The following DKK3 variants were observed in gnomAD, a reference collection of about 807,000 sequenced individuals.
DKK3 encodes the protein dickkopf-related protein 3.
Under a neutral mutation model 33.2 loss-of-function variants are expected in DKK3, and 22 were observed. The ratio of observed to expected loss-of-function variants is 0.66; its 90% CI spans 0.47 to 0.95. The LOEUF (loss-of-function observed/expected upper bound fraction) is 0.95, where lower values mean the gene tolerates loss of function less well. Ranked by LOEUF, DKK3 falls within the 40% of genes least tolerant of loss-of-function variation. The probability of loss-of-function intolerance (pLI) is 0.00; values close to 1 mark genes in which losing one functional copy is unlikely to be tolerated. For missense variants in DKK3, 398 were observed against 458.4 expected, an observed-to-expected ratio of 0.87 and a Z score of 1.20; for synonymous variants, 194 against 188.8, an observed-to-expected ratio of 1.03 and a Z score of -0.23.
In DKK3 at chr11:11,964,601, C is replaced by G. The variant is rs1564904150; in HGVS notation, c.916G>C (p.Asp306His). The G allele has an allele frequency of 6.2e-7, 1 of 1,614,178 alleles. No homozygotes were observed. Among genetic ancestry groups the G allele is most frequent in the Non-Finnish European group, 8.5e-7 (1 of 1,180,040 alleles). Residue 306 changes from aspartate to histidine, a missense_variant, in exon 7 of 7, where the codon GAT (aspartate) becomes CAT (histidine). Transcript: ENST00000683431. The stretch of plus-strand genomic sequence containing the variant: ...ATGAAGCTGCCAACTTCATACTCAT[C>G]GGGGACCTCTCTGGGCAGCAGGATC... ...GEILLPREVP[D>H]EYEVGSFMEE...
intron 5 of DKK3, 116 bp from the exon 6 acceptor site, chr11:11,966,081 A>G: frequency 7.8e-7 from 1 of 1,286,796 alleles, no homozygotes. Context: ...CCCAAAGTGC[A>G]GGCTAGTTTT....
At chr11:11,982,184 G>A (rs2135041836) in intron 3 of DKK3, among the ~76,000 whole-genome samples, 1 of 152,260 alleles carries the variant, frequency 6.6e-6, no homozygotes, top group Non-Finnish European at 1.5e-5. Context: ...GGAGTCACGG[G>A]GGCTCCCTAA....
intron 1 of DKK3, among the ~76,000 whole-genome samples, chr11:12,004,898 T>C (rs1848505792): frequency 6.6e-6 from 1 of 152,186 alleles, no homozygotes; most frequent in South Asian, 2.1e-4. Flanking sequence ...GTTGATATCA[T>C]GTGTTTGAAG....
chr11:11,977,068 T>C (rs1847849324), intron 3 of DKK3, among the ~76,000 whole-genome samples: 1 of 152,122 alleles, frequency 6.6e-6, no homozygotes, highest in South Asian at 2.1e-4. Flanking sequence ...ATTATTATTC[T>C]AAAGTGCCAA....
intron 3 of DKK3, among the ~76,000 whole-genome samples, chr11:11,978,155 A>G (rs968465513): frequency 3.9e-5 from 6 of 152,100 alleles, no homozygotes; most frequent in Admixed American, 2.0e-4. Flanking sequence ...TGGAAGAGAG[A>G]AAGTGGGGTT....
chr11:12,006,868 G>A (rs1848547458), intron 1 of DKK3, among the ~76,000 whole-genome samples: 1 of 152,180 alleles, frequency 6.6e-6, no homozygotes, highest in Non-Finnish European at 1.5e-5. Flanking sequence ...GTGCAGGAGG[G>A]AAAGTCCTAG....
In DKK3 at chr11:11,965,842, G is replaced by A. The variant is rs1847577812; in HGVS notation, c.797C>T (p.Pro266Leu). The change falls in exon 6 of 7, where the codon CCT (proline) becomes CTT (leucine). Residue 266 changes from proline to leucine, a missense_variant. Pro to Leu is a moderately conservative substitution (Grantham distance 98, BLOSUM62 -3). Coordinates refer to ENST00000683431, the MANE Select transcript of DKK3 (RefSeq NM_001018057.2). ...CTGGCAGAGGAGGCCACTGGCACAAGGGCATCGGTCCAAGGCTCCATCAGG... is the reference window on the plus strand; with the variant it reads ...CTGGCAGAGGAGGCCACTGGCACAAAGGCATCGGTCCAAGGCTCCATCAGG... ...LEPDGALDRCPCASGLLCQPH... is the reference protein window; with the variant it reads ...LEPDGALDRCLCASGLLCQPH... 1 of 1,614,174 alleles carries A rather than the reference G, an allele frequency of 6.2e-7. No homozygotes were observed. Among genetic ancestry groups the A allele is most frequent in the Middle Eastern group, 1.6e-4 (1 of 6,062 alleles).
chr11:11,974,618 C>T (rs140528518), intron 3 of DKK3, among the ~76,000 whole-genome samples: 1 of 152,194 alleles, frequency 6.6e-6, no homozygotes, highest in Non-Finnish European at 1.5e-5. Flanking sequence ...ATCTAAATAC[C>T]CCTTAAAGGT....
chr11:11,966,979 C>T lies in DKK3; in HGVS notation c.648G>A (p.Pro216=), dbSNP rs200399994. Residue 216 remains proline, a synonymous_variant, in exon 5 of 7, where the codon CCG becomes CCA. Coordinates refer to ENST00000683431, the MANE Select transcript of DKK3 (RefSeq NM_001018057.2). ...TICDNQRDCQ[P]GLCCAFQRGL... is the part of the protein sequence containing the mutation. ...CTCTCTGGAAGGCACAGCACAGCCC[C>T]GGCTGGCAGTCCCTCTGGTTGTCAC... 89 of 1,613,888 alleles carry T rather than the reference C, an allele frequency of 5.5e-5. 1 individual carries two copies. The highest frequency in any genetic ancestry group is 6.9e-5 in the Non-Finnish European group (82 of 1,179,958).
chr11:11,974,245 G>C (rs180894078), intron 3 of DKK3, among the ~76,000 whole-genome samples: 16 of 152,394 alleles, frequency 1.0e-4, no homozygotes, highest in Admixed American at 2.6e-4. Context: ...GTGAAGTTTA[G>C]AAAGCGCCAA....
chr11:11,966,945 G>A lies in DKK3; in HGVS notation c.673+9C>T. The A allele has an allele frequency of 6.2e-7, 1 of 1,613,074 alleles. No individual in the cohort carries two copies. The highest frequency in any genetic ancestry group is 2.2e-5 in the East Asian group (1 of 44,874). ...GGGTTTTTCCTGCATCTGAGGGGAG[G>A]CCACTCACCTCTCTGGAAGGCACAG... On this transcript the variant is annotated intron_variant, in intron 5 of 6. Transcript: ENST00000683431.
chr11:12,007,008 T>A (rs1335778370), intron 1 of DKK3, among the ~76,000 whole-genome samples: 1 of 152,186 alleles, frequency 6.6e-6, no homozygotes, highest in African/African-American at 2.4e-5. Flanking sequence ...TTGCTCCATG[T>A]CATGATTGTT....
rs1262496324 is a variant in DKK3 at position 12,008,531 on chromosome 11, G to A, written c.52C>T (p.Pro18Ser). The change falls in exon 1 of 7, where the codon CCC becomes TCC. Residue 18 changes from proline to serine, a missense_variant. By Grantham distance (74) the Pro-to-Ser change is moderately conservative. Transcript: ENST00000683431. The surrounding 1 kb of genome is among the most constrained non-coding windows in gnomAD (Gnocchi z 4.6). ...LLCLLLAAAVPTAPAPAPTAT... is the reference protein window; with the variant it reads ...LLCLLLAAAVSTAPAPAPTAT... ...GTCGGAGCGGGCGCGGGGGCCGTGGGGACCGCCGCCGCCAGCAGCAGGCAC... is the reference window on the plus strand; with the variant it reads ...GTCGGAGCGGGCGCGGGGGCCGTGGAGACCGCCGCCGCCAGCAGCAGGCAC... 2 of 1,562,470 alleles carry A rather than the reference G, an allele frequency of 1.3e-6. No individual in the cohort carries two copies. Among genetic ancestry groups the A allele is most frequent in the Non-Finnish European group, 1.7e-6 (2 of 1,161,542 alleles).
intron 4 of DKK3, 41 bp from the exon 5 acceptor site, chr11:11,967,139 G>A: frequency 6.2e-7 from 1 of 1,601,318 alleles, no homozygotes; most frequent in Non-Finnish European, 8.5e-7. Context: ...GCGGCTTAGG[G>A]ACTGGGGGCC....
chr11:12,001,695 T>C (rs1848431683), intron 2 of DKK3: 1 of 152,298 alleles, frequency 6.6e-6, no homozygotes, highest in Non-Finnish European at 1.5e-5. Context: ...CAGGTCAGAA[T>C]GGGAATGAAC....
chr11:11,990,317 T>C (rs1848161483), intron 3 of DKK3, among the ~76,000 whole-genome samples: 5 of 152,242 alleles, frequency 3.3e-5, no homozygotes, highest in African/African-American at 1.2e-4. Flanking sequence ...CTGTCACTTA[T>C]CTGTCCTGTC....
At chr11:11,967,456 G>A (rs1040679645) in intron 4 of DKK3, among the ~76,000 whole-genome samples, 1 of 152,204 alleles carries the variant, frequency 6.6e-6, no homozygotes, top group African/African-American at 2.4e-5. Context: ...GCCCAATGAT[G>A]AGCCGATTAA....
rs991944990 is a variant in DKK3 at position 12,008,396 on chromosome 11, G to A, written c.187C>T (p.His63Tyr). ...EVEELMEDTQ[H>Y]KLRSAVEEME... ...TCTTCCACCGCGCTGCGCAATTTGTGCTGCGTGTCCTCCATCAGTTCCTCA... is the reference window on the plus strand; with the variant it reads ...TCTTCCACCGCGCTGCGCAATTTGTACTGCGTGTCCTCCATCAGTTCCTCA... Residue 63 changes from histidine (H) to tyrosine (Y), a missense_variant, in exon 1 of 7, where the codon CAC becomes TAC. Transcript: ENST00000683431. The surrounding 1 kb of genome is among the most constrained non-coding windows in gnomAD (Gnocchi z 4.6). The A allele has an allele frequency of 6.2e-7, 1 of 1,607,804 alleles. No individual in the cohort carries two copies. The highest frequency in any genetic ancestry group is 8.5e-7 in the Non-Finnish European group (1 of 1,178,320).
Position 11,966,866 on chromosome 11 carries a change from T to C in DKK3, c.673+88A>G, listed in dbSNP as rs564436023. 2.3e-5 allele frequency: 35 copies of C among 1,550,348 alleles called. No homozygotes were observed. In the African/African-American group the frequency reaches 4.6e-4, roughly 20 times the overall value. On this transcript the variant is annotated intron_variant, in intron 5 of 6. Transcript: ENST00000683431. ...ATCCAAGAGGTGGGACGCGAAACCATGTGGTTGGCATGGACGTGGCTCCAG... is the reference window on the plus strand; with the variant it reads ...ATCCAAGAGGTGGGACGCGAAACCACGTGGTTGGCATGGACGTGGCTCCAG...
Sources: allele counts gnomAD v4.1 joint callset (sites outside exome capture counted in the v4.1 genomes callset), GRCh38; gene constraint gnomAD v4.1.1; non-coding constraint Gnocchi (gnomAD v3.1); transcripts MANE v1.5; gene names NCBI Gene and HGNC (gene_info 2026-07-23, HGNC 2026-07-21).